Variants in SGK3 observed in about 807,000 individuals in gnomAD.
SGK3 encodes the protein serine/threonine-protein kinase Sgk3.
SGK3 carries 47 observed loss-of-function variants against 68.5 expected under a neutral mutation model. The observed-to-expected ratio is 0.69, with a 90% CI of 0.54 to 0.87. The LOEUF is 0.87. Among genes scored for constraint, SGK3 ranks in the 40% least tolerant of loss-of-function variants. The probability of loss-of-function intolerance (pLI) is 0.00; values close to 1 mark genes in which losing one functional copy is unlikely to be tolerated. For synonymous variants in SGK3, 181 were observed against 189.1 expected, an observed-to-expected ratio of 0.96 and a Z score of 0.35; for missense variants, 479 against 575.5, an observed-to-expected ratio of 0.83 and a Z score of 1.72.
chr8:66,782,582 T>A (rs1255915234), intron 1 of SGK3, among the ~76,000 whole-genome samples: 1 of 152,230 alleles, frequency 6.6e-6, no homozygotes, highest in Non-Finnish European at 1.5e-5. Flanking sequence ...TCCATCATTA[T>A]AGTGTCACAG....
At chr8:66,816,852 A>G (rs1245432684) in intron 5 of SGK3, among the ~76,000 whole-genome samples, 3 of 151,878 alleles carry the variant, frequency 2.0e-5, no homozygotes, top group Non-Finnish European at 4.4e-5. Context: ...TGTTTTTGAG[A>G]CAGACTCTCG....
intron 3 of SGK3, among the ~76,000 whole-genome samples, chr8:66,803,006 A>C (rs1272827858): frequency 6.6e-6 from 1 of 152,238 alleles, no homozygotes; most frequent in Admixed American, 6.5e-5. Flanking sequence ...CTTAAAAACA[A>C]AACATATACA....
At chr8:66,739,255 T>C (rs1805413591) in intron 1 of SGK3, among the ~76,000 whole-genome samples, 2 of 152,128 alleles carry the variant, frequency 1.3e-5, no homozygotes, top group Admixed American at 6.6e-5. Context: ...GAAGCAGACA[T>C]GTGAAAAGGA....
intron 4 of SGK3, among the ~76,000 whole-genome samples, chr8:66,809,632 C>T (rs936578819): frequency 1.3e-5 from 2 of 152,040 alleles, no homozygotes; most frequent in Non-Finnish European, 2.9e-5. Context: ...AAGGATTTAT[C>T]TTGCCTTTGT....
At chr8:66,792,999 A>G (rs1807527155) in intron 1 of SGK3, among the ~76,000 whole-genome samples, 1 of 152,194 alleles carries the variant, frequency 6.6e-6, no homozygotes. Context: ...TGACATCTCT[A>G]GCCCTTTGTT....
At chr8:66,729,167 C>T (rs148143868) in intron 1 of SGK3, among the ~76,000 whole-genome samples, 4 of 145,264 alleles carry the variant, frequency 2.8e-5, no homozygotes, top group African/African-American at 5.1e-5. Flanking sequence ...TGCAGTGAGC[C>T]GAGATCGCGC....
intron 3 of SGK3, among the ~76,000 whole-genome samples, chr8:66,804,107 CT>C (rs1165815840): frequency 6.6e-6 from 1 of 152,028 alleles, no homozygotes; most frequent in Non-Finnish European, 1.5e-5. Context: ...TAAAATTATC[CT>C]CATTTTATAG....
chr8:66,767,780 T>C (rs771558164), intron 1 of SGK3: 7 of 1,574,820 alleles, frequency 4.4e-6, no homozygotes, highest in South Asian at 2.2e-5. Flanking sequence ...CCATTGGTCT[T>C]TACTGACTTT....
intron 1 of SGK3, among the ~76,000 whole-genome samples, chr8:66,719,064 G>T (rs1484651276): frequency 2.0e-5 from 3 of 152,040 alleles, no homozygotes; most frequent in Non-Finnish European, 4.4e-5. Flanking sequence ...GTGACAGATT[G>T]AGACCCTATC....
chr8:66,852,277 CTTTTTTTTTTTT>C (rs1204346785), intron 16 of SGK3, among the ~76,000 whole-genome samples: 1 of 107,200 alleles, frequency 9.3e-6, no homozygotes, highest in South Asian at 3.0e-4. Flanking sequence ...TTAAGGAATC[CTTTTTTTTTTTT>C]TTTTTTTTTT....
chr8:66,767,098 G>A (rs1806342838), intron 1 of SGK3, among the ~76,000 whole-genome samples: 1 of 152,160 alleles, frequency 6.6e-6, no homozygotes, highest in African/African-American at 2.4e-5. Context: ...GCCTGCCTCA[G>A]CCTCCCACAG....
chr8:66,738,916 C>T (rs551286451), intron 1 of SGK3, among the ~76,000 whole-genome samples: 144 of 152,292 alleles, frequency 9.5e-4, no homozygotes, highest in South Asian at 3.3e-3. Flanking sequence ...AGGCGTGAGT[C>T]ACTGCGCCCA....
Position 66,836,048 on chromosome 8 carries a change from G to A in SGK3, c.715G>A (p.Val239Ile). The A allele has an allele frequency of 6.2e-7, 1 of 1,613,020 alleles. No individual in the cohort carries two copies. The highest frequency in any genetic ancestry group is 8.5e-7 in the Non-Finnish European group (1 of 1,179,570). ...SFQTTEKLYFVLDFVNGGELF... is the reference protein window; with the variant it reads ...SFQTTEKLYFILDFVNGGELF... ...CCAAACAACTGAAAAGCTTTATTTT[G>A]TTCTGGATTTTGTTAATGGAGGGGA... Residue 239 changes from valine to isoleucine, a missense_variant, in exon 10 of 17, where the codon GTT becomes ATT. Physicochemically the swap from Val to Ile is conservative, Grantham distance 29. Coordinates refer to ENST00000521198, the MANE Select transcript of SGK3 (RefSeq NM_001033578.3).
chr8:66,739,409 T>A (rs2130391695), intron 1 of SGK3, among the ~76,000 whole-genome samples: 1 of 150,734 alleles, frequency 6.6e-6, no homozygotes, highest in South Asian at 2.1e-4. Flanking sequence ...TTATTTATTT[T>A]TTGAGACAGA....
chr8:66,715,782 A>G (rs146767236), intron 1 of SGK3, among the ~76,000 whole-genome samples: 84 of 152,248 alleles, frequency 5.5e-4, no homozygotes, highest in African/African-American at 1.8e-3. Flanking sequence ...ATAACCTTCA[A>G]TTAGAGGGGA....
intron 1 of SGK3, among the ~76,000 whole-genome samples, chr8:66,718,349 AT>A (rs1331014770): frequency 5.3e-5 from 8 of 151,928 alleles, no homozygotes; most frequent in African/African-American, 1.9e-4. Context: ...CTAACCAAAA[AT>A]AGATAGAGGT....
chr8:66,728,484 G>T lies in SGK3; in HGVS notation c.-122+15651G>T, dbSNP rs141971919. On this transcript the variant is annotated intron_variant, in intron 1 of 16. Coordinates refer to ENST00000521198, the MANE Select transcript of SGK3 (RefSeq NM_001033578.3). The stretch of plus-strand genomic sequence containing the variant: ...TGGGATTATAGGTACCCACCATCAC[G>T]CCCAGCTAATTTTTGTATTTTTAGT... Among the ~76,000 whole-genome samples the T allele has an allele frequency of 2.6e-3, 395 of 151,940 alleles. 8 individuals are homozygous for T. The East Asian group carries it at 0.035, about 14-fold the overall frequency.
chr8:66,762,302 G>A (rs939409969), intron 1 of SGK3, among the ~76,000 whole-genome samples: 1 of 152,032 alleles, frequency 6.6e-6, no homozygotes, highest in Admixed American at 6.6e-5. Flanking sequence ...AACATCAGCT[G>A]GACGTCAGGA....
At chr8:66,789,344 T>A (rs1375051506) in intron 1 of SGK3, among the ~76,000 whole-genome samples, 2 of 152,168 alleles carry the variant, frequency 1.3e-5, no homozygotes, top group Non-Finnish European at 2.9e-5. Context: ...CCCATGGAAG[T>A]GGTATAGTTT....
Sources: gnomAD v4.1 joint callset for allele counts (sites outside exome capture counted in the v4.1 genomes callset) on GRCh38, gnomAD v4.1.1 for gene constraint, MANE v1.5 for transcripts, NCBI Gene and HGNC (gene_info 2026-07-23, HGNC 2026-07-21) for gene names.